Variants in RBMS3 observed in about 807,000 individuals in gnomAD.
The protein encoded by RBMS3 is RNA binding motif single stranded interacting protein 3, also known as RNA-binding motif, single-stranded-interacting protein 3.
In RBMS3, 27 loss-of-function variants were observed where a neutral mutation model predicts 66.8. The ratio of observed to expected loss-of-function variants is 0.40; its 90% CI spans 0.30 to 0.56. The LOEUF is 0.56. RBMS3 is among the 20% of genes least tolerant of loss of function. The probability of loss-of-function intolerance (pLI) is 0.40; values close to 1 mark genes in which losing one functional copy is unlikely to be tolerated. For missense variants in RBMS3, 513 were observed against 549.5 expected (o/e 0.93, Z 0.66); for synonymous variants, 188 against 183.0 (o/e 1.03, Z -0.22).
intron 3 of RBMS3, among the ~76,000 whole-genome samples, chr3:29,563,751 G>A (rs968673565): frequency 1.1e-4 from 17 of 152,176 alleles, no homozygotes; most frequent in East Asian, 1.9e-4. Flanking sequence ...TTGACTGGGC[G>A]TGGTGACTCA....
intron 1 of RBMS3, among the ~76,000 whole-genome samples, chr3:29,433,502 CTTA>C (rs1306263104): frequency 6.6e-6 from 1 of 152,146 alleles, no homozygotes; most frequent in African/African-American, 2.4e-5. Context: ...ATATTGTACA[CTTA>C]TTAATTTCTA....
Position 29,701,899 on chromosome 3 carries a change from G to C in RBMS3, c.400-37821G>C, listed in dbSNP as rs193173683. ...CTCCACGGCGCCGCCCGGTCCCATC[G>C]ACCGCCCAAAGGCTGAGGAGTGCAG... is the stretch of plus-strand genomic sequence containing the variant. On this transcript the variant is annotated intron_variant, in intron 4 of 14. Coordinates refer to ENST00000383767, the MANE Select transcript of RBMS3 (RefSeq NM_001003793.3). Among the ~76,000 whole-genome samples, 402 of 152,222 alleles carry C rather than the reference G, an allele frequency of 2.6e-3. 2 individuals are homozygous for C. The highest frequency in any genetic ancestry group is 9.0e-3 in the African/African-American group (374 of 41,544).
chr3:29,592,074 C>T (rs9825442), intron 4 of RBMS3, among the ~76,000 whole-genome samples: 22,553 of 151,400 alleles, frequency 0.15, 1,917 homozygotes, highest in East Asian at 0.32. Flanking sequence ...ATGACCTTGA[C>T]AGTAGTTGTC....
chr3:29,906,582 A>G (rs1186561946), intron 10 of RBMS3, among the ~76,000 whole-genome samples: 5 of 152,136 alleles, frequency 3.3e-5, no homozygotes, highest in Non-Finnish European at 7.4e-5. Flanking sequence ...AAATTTTATT[A>G]TATTTTCTCA....
chr3:29,743,851 C>T (rs908292466), intron 5 of RBMS3, among the ~76,000 whole-genome samples: 3 of 148,996 alleles, frequency 2.0e-5, no homozygotes, highest in African/African-American at 7.4e-5. Context: ...CCCATTAACT[C>T]GTCATTTAGC....
chr3:29,375,268 T>G (rs2038408241), intron 1 of RBMS3, among the ~76,000 whole-genome samples: 1 of 152,128 alleles, frequency 6.6e-6, no homozygotes. Context: ...GAAGAAAATC[T>G]AGGCAATAAC....
intron 6 of RBMS3, among the ~76,000 whole-genome samples, chr3:29,846,459 C>T (rs2058779921): frequency 6.6e-6 from 1 of 152,162 alleles, no homozygotes; most frequent in Non-Finnish European, 1.5e-5. Context: ...AAGAGACATA[C>T]TTTGCATCTG....
At chr3:29,994,877 C>G (rs1365907066) in intron 14 of RBMS3, among the ~76,000 whole-genome samples, 1 of 152,230 alleles carries the variant, frequency 6.6e-6, no homozygotes, top group Non-Finnish European at 1.5e-5. Context: ...TCTCCTCCTC[C>G]AAAGGAACGC....
At chr3:29,620,602 T>G (rs1449978976) in intron 4 of RBMS3, among the ~76,000 whole-genome samples, 1 of 152,146 alleles carries the variant, frequency 6.6e-6, no homozygotes, top group Non-Finnish European at 1.5e-5. Flanking sequence ...CTTTATGTAC[T>G]TGATTTTCAT....
intron 7 of RBMS3, among the ~76,000 whole-genome samples, chr3:29,881,476 G>A (rs1037900040): frequency 6.6e-6 from 1 of 152,128 alleles, no homozygotes; most frequent in Non-Finnish European, 1.5e-5. Flanking sequence ...GGCTCAAATA[G>A]GTTAAATAAT....
intron 3 of RBMS3, among the ~76,000 whole-genome samples, chr3:29,490,291 A>C (rs1472523809): frequency 1.3e-5 from 2 of 151,812 alleles, no homozygotes; most frequent in South Asian, 4.1e-4. Flanking sequence ...ACAAAAAAAA[A>C]TGTAGGCTTT....
chr3:29,887,180 C>T (rs1007993945), intron 8 of RBMS3, among the ~76,000 whole-genome samples: 3 of 151,700 alleles, frequency 2.0e-5, no homozygotes, highest in East Asian at 1.9e-4. Context: ...TAATGACCGA[C>T]CGAAACTGGA....
At chr3:29,610,260 A>G (rs1029494697) in intron 4 of RBMS3, among the ~76,000 whole-genome samples, 8 of 152,080 alleles carry the variant, frequency 5.3e-5, no homozygotes, top group African/African-American at 1.7e-4. Flanking sequence ...CATCAGCTAG[A>G]AACAGTAGCA....
intron 6 of RBMS3, among the ~76,000 whole-genome samples, chr3:29,790,339 C>G (rs1016832199): frequency 6.6e-6 from 1 of 152,012 alleles, no homozygotes. Context: ...TTTTGTGAGG[C>G]GTCTTTTGTA....
At chr3:29,384,049 C>T (rs569167710) in intron 1 of RBMS3, among the ~76,000 whole-genome samples, 74 of 152,286 alleles carry the variant, frequency 4.9e-4, no homozygotes, top group African/African-American at 1.8e-3. Context: ...GGCACAGTGG[C>T]TCATGCCTGT....
chr3:29,642,027 C>T (rs62234887), intron 4 of RBMS3, among the ~76,000 whole-genome samples: 11,922 of 152,158 alleles, frequency 0.078, 827 homozygotes, highest in East Asian at 0.35. Context: ...TGAAGAGATA[C>T]ATAGAACTCC....
At chr3:29,688,564 A>ATTTTTTTTTTT (rs55943638) in intron 4 of RBMS3, among the ~76,000 whole-genome samples, 2 of 67,130 alleles carry the variant, frequency 3.0e-5, no homozygotes, top group African/African-American at 1.5e-4. Flanking sequence ...AAGTTACAGG[A>ATTTTTTTTTTT]TTTTTTTTTT....
chr3:29,942,437 C>G (rs1270603646), intron 11 of RBMS3, among the ~76,000 whole-genome samples: 1 of 151,682 alleles, frequency 6.6e-6, no homozygotes, highest in Non-Finnish European at 1.5e-5. Context: ...GCAGGAAGAT[C>G]AACTAAGCCC....
At chr3:29,807,928 A>T (rs2057608479) in intron 6 of RBMS3, among the ~76,000 whole-genome samples, 1 of 151,810 alleles carries the variant, frequency 6.6e-6, no homozygotes, top group South Asian at 2.1e-4. Context: ...TTCCCTTCAT[A>T]AGTGAAATTG....
Sources: allele counts gnomAD v4.1 joint callset (sites outside exome capture counted in the v4.1 genomes callset), GRCh38; gene constraint gnomAD v4.1.1; transcripts MANE v1.5; gene names NCBI Gene and HGNC (gene_info 2026-07-23, HGNC 2026-07-21).